The following UNC5D variants were observed in gnomAD, a reference collection of about 807,000 sequenced individuals.
The protein encoded by UNC5D is unc-5 netrin receptor D, also known as netrin receptor UNC5D.
A neutral mutation model predicts 105.4 loss-of-function variants in UNC5D; 39 were observed. That is an observed-to-expected ratio of 0.37 (90% CI 0.29 to 0.48). The LOEUF (loss-of-function observed/expected upper bound fraction) is 0.48, where lower values mean the gene tolerates loss of function less well. UNC5D is among the 20% of genes least tolerant of loss of function. The pLI, the probability that UNC5D is intolerant of heterozygous loss-of-function variation, is 0.98. For missense variants in UNC5D, 991 were observed against 1,202.4 expected (o/e 0.82, Z 2.60); for synonymous variants, 452 against 450.4 (o/e 1.00, Z -0.04).
At chr8:35,638,341 G>A (rs1443385894) in intron 4 of UNC5D, among the ~76,000 whole-genome samples, 2 of 152,172 alleles carry the variant, frequency 1.3e-5, no homozygotes. Flanking sequence ...TCCTGAATGA[G>A]AACTTAATGC....
intron 4 of UNC5D, among the ~76,000 whole-genome samples, chr8:35,602,722 C>T (rs1586225111): frequency 6.6e-6 from 1 of 152,010 alleles, no homozygotes; most frequent in Non-Finnish European, 1.5e-5. Context: ...AGCAGTCTAT[C>T]TATTTTTTTG....
chr8:35,503,209 C>G (rs1812081580), intron 1 of UNC5D, among the ~76,000 whole-genome samples: 1 of 152,098 alleles, frequency 6.6e-6, no homozygotes, highest in South Asian at 2.1e-4. Flanking sequence ...TCCCAGAGAT[C>G]ACATAGTCGG....
intron 1 of UNC5D, among the ~76,000 whole-genome samples, chr8:35,271,386 C>T (rs201112844): frequency 9.4e-4 from 98 of 103,726 alleles, no homozygotes; most frequent in Admixed American, 1.2e-3. Flanking sequence ...TGTATATGTA[C>T]ACACATGCAC....
At chr8:35,581,078 G>A (rs753461256) in intron 3 of UNC5D, among the ~76,000 whole-genome samples, 8 of 152,052 alleles carry the variant, frequency 5.3e-5, no homozygotes, top group Non-Finnish European at 1.2e-4. Flanking sequence ...AGATTCCAGG[G>A]TCTCACTCAG....
rs1338501257 is a variant in UNC5D at position 35,434,690 on chromosome 8, A to T, written c.104-114602A>T. Among the ~76,000 whole-genome samples, 3 of 152,156 alleles carry T rather than the reference A, an allele frequency of 2.0e-5. No homozygotes were observed. In the East Asian group the frequency reaches 5.8e-4, roughly 29 times the overall value. ...CACAATTTAATTAGAAGTGGTTTTC[A>T]TATACCATTCATTAGGAGGCATATA... On this transcript the variant is annotated intron_variant, in intron 1 of 16. Coordinates refer to ENST00000404895, the MANE Select transcript of UNC5D (RefSeq NM_080872.4).
chr8:35,552,945 G>A (rs999448692), intron 2 of UNC5D, among the ~76,000 whole-genome samples: 1 of 152,160 alleles, frequency 6.6e-6, no homozygotes, highest in African/African-American at 2.4e-5. Flanking sequence ...TGTGTCTTTT[G>A]CTCAATTAGT....
In UNC5D at chr8:35,726,208, T is replaced by C. The variant is rs1175928301; in HGVS notation, c.1360T>C (p.Tyr454His). ...GCCAGATCTGACAGTGAGCCGGACA[T>C]ACAGCGGACCCATCTGTCTGCAGGA... ...MQPDLTVSRTYSGPICLQDPL... is the reference protein window; with the variant it reads ...MQPDLTVSRTHSGPICLQDPL... The change falls in exon 10 of 17, where the codon TAC becomes CAC. Residue 454 changes from tyrosine (Y) to histidine (H), a missense_variant. Tyr to His is a moderately conservative substitution (Grantham distance 83). Around this residue, in one of 3 missense-constraint regions of UNC5D, gnomAD observed 944 missense variants for 1,131.6 expected, o/e 0.83. Transcript: ENST00000404895. The C allele has an allele frequency of 5.6e-6, 9 of 1,613,978 alleles. No individual in the cohort carries two copies. Among genetic ancestry groups the C allele is most frequent in the African/African-American group, 1.3e-5 (1 of 74,936 alleles).
At chr8:35,358,553 A>G (rs1474976998) in intron 1 of UNC5D, among the ~76,000 whole-genome samples, 1 of 152,148 alleles carries the variant, frequency 6.6e-6, no homozygotes, top group Non-Finnish European at 1.5e-5. Context: ...CTTCATACCT[A>G]GGGTGATGGG....
intron 8 of UNC5D, among the ~76,000 whole-genome samples, chr8:35,707,243 A>G (rs1827641989): frequency 6.6e-6 from 1 of 152,174 alleles, no homozygotes; most frequent in Admixed American, 6.5e-5. Flanking sequence ...TTCTGTTCCT[A>G]TTTCCTTATG....
chr8:35,756,733 A>T (rs1830538125), intron 13 of UNC5D, among the ~76,000 whole-genome samples: 1 of 152,112 alleles, frequency 6.6e-6, no homozygotes, highest in African/African-American at 2.4e-5. Flanking sequence ...TTCATGTGTA[A>T]ATAAGGCACT....
intron 11 of UNC5D, among the ~76,000 whole-genome samples, chr8:35,746,453 T>C (rs920691925): frequency 2.0e-5 from 3 of 152,154 alleles, no homozygotes; most frequent in African/African-American, 7.2e-5. Flanking sequence ...CCTACACCCA[T>C]GGACACTATT....
At chr8:35,409,708 T>G (rs1159883288) in intron 1 of UNC5D, among the ~76,000 whole-genome samples, 2 of 152,044 alleles carry the variant, frequency 1.3e-5, no homozygotes, top group Non-Finnish European at 2.9e-5. Context: ...TTTCATTCTC[T>G]TAGCCTTATG....
chr8:35,582,184 A>C (rs1394478071), intron 3 of UNC5D, among the ~76,000 whole-genome samples: 1 of 152,080 alleles, frequency 6.6e-6, no homozygotes, highest in African/African-American at 2.4e-5. Context: ...CCCTTCCCTG[A>C]CTATACAGTG....
intron 1 of UNC5D, among the ~76,000 whole-genome samples, chr8:35,384,231 CA>C (rs1158648604): frequency 1.4e-5 from 2 of 144,682 alleles, no homozygotes; most frequent in Admixed American, 6.9e-5. Context: ...AAAAAAAAAA[CA>C]AAAAAAAACT....
chr8:35,632,651 T>C (rs894586621), intron 4 of UNC5D, among the ~76,000 whole-genome samples: 3 of 152,170 alleles, frequency 2.0e-5, no homozygotes, highest in Non-Finnish European at 4.4e-5. Context: ...TACCTTTTTT[T>C]CTCTGTCTTG....
At chr8:35,774,577 TA>T (rs1802154666) in intron 16 of UNC5D, 100 bp downstream of exon 16, 3 of 1,422,384 alleles carry the variant, frequency 2.1e-6, no homozygotes, top group Non-Finnish European at 2.8e-6. Context: ...CTAATATTTT[TA>T]TGAGTTCCTC....
chr8:35,500,650 A>G (rs1389377080), intron 1 of UNC5D, among the ~76,000 whole-genome samples: 1 of 152,058 alleles, frequency 6.6e-6, no homozygotes, highest in Non-Finnish European at 1.5e-5. Flanking sequence ...AGTTTAACCC[A>G]CTGAGGTTTT....
At chr8:35,424,898 T>G (rs547096386) in intron 1 of UNC5D, among the ~76,000 whole-genome samples, 1 of 152,370 alleles carries the variant, frequency 6.6e-6, no homozygotes, top group Admixed American at 6.5e-5. Context: ...TCTACAGGGC[T>G]GCTGACTTGT....
intron 4 of UNC5D, among the ~76,000 whole-genome samples, chr8:35,668,041 T>C (rs1824544572): frequency 6.6e-6 from 1 of 152,124 alleles, no homozygotes; most frequent in African/African-American, 2.4e-5. Context: ...ACACAAGGAA[T>C]GTACCAATTT....
Sources: gnomAD v4.1 joint callset for allele counts (sites outside exome capture counted in the v4.1 genomes callset) on GRCh38, gnomAD v4.1.1 for gene constraint, gnomAD v4.1.1 regional missense constraint, MANE v1.5 for transcripts, NCBI Gene and HGNC (gene_info 2026-07-23, HGNC 2026-07-21) for gene names.